QTGAL: variants seen among roughly 807,000 people sequenced by gnomAD.
The protein encoded by QTGAL is BGnT-like protein 1.
At chr17:82,991,490 T>C in the QTGAL span, among the ~76,000 whole-genome samples, 1 of 152,232 alleles carries the variant, frequency 6.6e-6, no homozygotes, top group Non-Finnish European at 1.5e-5. Context: ...CCTTCTGCCA[T>C]GATTGTGAGG....
chr17:82,955,921 TCTCA>T, the QTGAL span, among the ~76,000 whole-genome samples: 2 of 151,358 alleles, frequency 1.3e-5, no homozygotes, highest in Admixed American at 6.6e-5. Flanking sequence ...CACCGCATGT[TCTCA>T]CTCATAAGTG....
the QTGAL span, among the ~76,000 whole-genome samples, chr17:82,996,011 A>G: frequency 6.6e-6 from 1 of 152,146 alleles, no homozygotes; most frequent in African/African-American, 2.4e-5. Context: ...CTAAAATAAA[A>G]TTACCAAGGA....
chr17:82,945,108 G>C, the QTGAL span: 8 of 152,110 alleles, frequency 5.3e-5, no homozygotes, highest in Non-Finnish European at 1.0e-4. Context: ...TTTTTGAAAA[G>C]GGCTAGAAAT....
chr17:82,954,522 G>A, the QTGAL span, among the ~76,000 whole-genome samples: 4,366 of 152,092 alleles, frequency 0.029, 80 homozygotes, highest in South Asian at 0.1. Flanking sequence ...TTCCATGCCC[G>A]TGGATAGGAA....
chr17:82,956,937 C>T, the QTGAL span: 23 of 975,596 alleles, frequency 2.4e-5, no homozygotes, highest in Middle Eastern at 2.5e-4. This position sits in a 1 kb window ranked among gnomAD's most constrained non-coding sequence, Gnocchi z 5.7. Flanking sequence ...AGCAGGAACC[C>T]GGCTCCCGCC....
the QTGAL span, among the ~76,000 whole-genome samples, chr17:82,997,947 A>C: frequency 6.8e-6 from 1 of 147,358 alleles, no homozygotes; most frequent in Admixed American, 6.9e-5. Flanking sequence ...ATATATATAT[A>C]TCTATATCTA....
the QTGAL span, among the ~76,000 whole-genome samples, chr17:82,972,649 C>T: frequency 7.9e-5 from 10 of 126,184 alleles, no homozygotes; most frequent in East Asian, 2.5e-3. Flanking sequence ...GTGCCCACCA[C>T]ACCACACTCA....
At chr17:82,972,723 GA>G in the QTGAL span, among the ~76,000 whole-genome samples, 1 of 131,346 alleles carries the variant, frequency 7.6e-6, no homozygotes, top group African/African-American at 3.4e-5. Flanking sequence ...ACCTGGTACT[GA>G]CCACACCACA....
the QTGAL span, among the ~76,000 whole-genome samples, chr17:82,960,657 C>T: frequency 2.0e-5 from 3 of 152,310 alleles, no homozygotes; most frequent in Non-Finnish European, 4.4e-5. Context: ...CTGGGTGCTG[C>T]GATTCCCTGG....
the QTGAL span, among the ~76,000 whole-genome samples, chr17:83,019,737 C>T: frequency 0.65 from 99,070 of 152,050 alleles, 32,493 homozygotes; most frequent in South Asian, 0.7. Context: ...ATAGAACTTT[C>T]TCTCTTTTTT....
At chr17:83,048,474 C>G in the QTGAL span, 4 of 1,607,090 alleles carry the variant, frequency 2.5e-6, no homozygotes, top group Admixed American at 3.3e-5. Context: ...TACTTACCGC[C>G]TCTAGGAGAG....
chr17:82,959,612 G>C, the QTGAL span, among the ~76,000 whole-genome samples: 31 of 152,094 alleles, frequency 2.0e-4, no homozygotes, highest in Admixed American at 2.0e-3. Flanking sequence ...GGGGGGACGA[G>C]CCTGATCCTC....
the QTGAL span, chr17:82,956,580 C>T: frequency 1.7e-6 from 2 of 1,202,670 alleles, no homozygotes; most frequent in African/African-American, 3.1e-5. The surrounding 1 kb of genome is among the most constrained non-coding windows in gnomAD (Gnocchi z 5.7). Context: ...CCCATGCCCA[C>T]CATCGGCTGG....
chr17:83,001,205 T>C, the QTGAL span, among the ~76,000 whole-genome samples: 1 of 152,230 alleles, frequency 6.6e-6, no homozygotes, highest in African/African-American at 2.4e-5. Context: ...AGTACTACTT[T>C]GCAGGAACTC....
chr17:83,010,053 GGGGGGCTGT>G, the QTGAL span, among the ~76,000 whole-genome samples: 1 of 122,490 alleles, frequency 8.2e-6, no homozygotes, highest in African/African-American at 3.1e-5. Context: ...CGGGGGGCTG[GGGGGGCTGT>G]GGGGGCCCCT....
the QTGAL span, chr17:82,961,260 T>G: frequency 2.0e-6 from 3 of 1,523,560 alleles, no homozygotes; most frequent in South Asian, 2.4e-5. Context: ...ACACCTGCGC[T>G]CAGCCGGCCA....
chr17:82,942,359 C>T, the QTGAL span: 1 of 1,585,530 alleles, frequency 6.3e-7, no homozygotes, highest in Non-Finnish European at 8.6e-7. Flanking sequence ...TGTCAGTCCC[C>T]ACACAGGGCC....
chr17:83,020,335 C>A, the QTGAL span, among the ~76,000 whole-genome samples: 1 of 152,140 alleles, frequency 6.6e-6, no homozygotes, highest in Non-Finnish European at 1.5e-5. Context: ...TGCCTGCACA[C>A]ACAATTACAA....
chr17:83,044,675 G>A, the QTGAL span, among the ~76,000 whole-genome samples: 2 of 152,216 alleles, frequency 1.3e-5, no homozygotes, highest in African/African-American at 2.4e-5. Context: ...CAGGCGCGGC[G>A]GCTCACGCCT....
Sources: allele counts gnomAD v4.1 joint callset (sites outside exome capture counted in the v4.1 genomes callset), GRCh38; gene constraint gnomAD v4.1.1; non-coding constraint Gnocchi (gnomAD v3.1); transcripts MANE v1.5; gene names NCBI Gene and HGNC (gene_info 2026-07-23, HGNC 2026-07-21).